PRDM16: variants seen among roughly 807,000 people sequenced by gnomAD.
The protein encoded by PRDM16 is PR/SET domain 16.
Under a neutral mutation model 110.6 loss-of-function variants are expected in PRDM16, and 23 were observed. That is an observed-to-expected ratio of 0.21 (90% CI 0.15 to 0.29). PRDM16 has a LOEUF of 0.29. Ranked by LOEUF, PRDM16 falls within the 10% of genes least tolerant of loss-of-function variation. The pLI, the probability that PRDM16 is intolerant of heterozygous loss-of-function variation, is 1.00. For missense variants in PRDM16, 1,615 were observed against 1,794.3 expected (o/e 0.90, Z 1.81); for synonymous variants, 799 against 781.8 (o/e 1.02, Z -0.37).
intron 3 of PRDM16, among the ~76,000 whole-genome samples, chr1:3,311,969 T>C (rs1198492192): frequency 6.6e-6 from 1 of 152,140 alleles, no homozygotes; most frequent in East Asian, 1.9e-4. Flanking sequence ...ACCAGCAGCA[T>C]CCAGCCAGGT....
chr1:3,323,875 G>A lies in PRDM16; in HGVS notation c.439-61277G>A, dbSNP rs568295223. 2.6e-5 allele frequency among the ~76,000 whole-genome samples: 4 copies of A among 152,352 alleles called. No homozygotes were observed. In the South Asian group the frequency reaches 8.3e-4, roughly 32 times the overall value. On this transcript the variant is annotated intron_variant, in intron 3 of 16. Coordinates refer to ENST00000270722, the MANE Select transcript of PRDM16 (RefSeq NM_022114.4). ...TGTTCAGCTTAGAGACCCCCCAGGG[G>A]CTCCCCCGGCTCTGCACGGGCCTCA...
Position 3,431,125 on chromosome 1 carries a change from G to A in PRDM16, c.3521+17G>A. 6.5e-7 allele frequency: 1 copy of A among 1,547,748 alleles called. No homozygotes were observed. The highest frequency in any genetic ancestry group is 8.7e-7 in the Non-Finnish European group (1 of 1,145,826). On this transcript the variant is annotated intron_variant, in intron 15 of 16. Transcript: ENST00000270722. ...CACCCGAAGGTGGGGGCAGCCGTGT[G>A]CTCCAGGATGGGGCAGGGAGGGAAC...
chr1:3,272,474 T>C (rs973671206), intron 3 of PRDM16, among the ~76,000 whole-genome samples: 1 of 152,086 alleles, frequency 6.6e-6, no homozygotes, highest in African/African-American at 2.4e-5. Context: ...TCGTGCAGCC[T>C]CTGCTGTGAG....
intron 3 of PRDM16, among the ~76,000 whole-genome samples, chr1:3,288,770 C>G (rs2100351286): frequency 6.6e-6 from 1 of 152,276 alleles, no homozygotes; most frequent in East Asian, 1.9e-4. Context: ...GGCAGCCAGC[C>G]CTCCCTGCCT....
chr1:3,146,234 C>T (rs751607760), intron 1 of PRDM16, among the ~76,000 whole-genome samples: 50 of 152,360 alleles, frequency 3.3e-4, no homozygotes, highest in Non-Finnish European at 7.3e-5. Flanking sequence ...GGGGGGCCCG[C>T]TAACCAATGA....
chr1:3,251,791 A>G (rs903359392), intron 3 of PRDM16, among the ~76,000 whole-genome samples: 3 of 152,222 alleles, frequency 2.0e-5, no homozygotes, highest in Admixed American at 6.5e-5. Context: ...AACCCTGTCC[A>G]TAATCTTCAG....
chr1:3,327,846 G>A (rs529605641), intron 3 of PRDM16, among the ~76,000 whole-genome samples: 110 of 152,344 alleles, frequency 7.2e-4, no homozygotes, highest in African/African-American at 2.5e-3. Flanking sequence ...GGCTGATGCT[G>A]GCAGTGCCCT....
chr1:3,098,870 G>A (rs1021971198), intron 1 of PRDM16, among the ~76,000 whole-genome samples: 2 of 152,188 alleles, frequency 1.3e-5, no homozygotes, highest in Admixed American at 6.5e-5. Flanking sequence ...TCCTGCAGGC[G>A]AGGCTGTGTC....
At chr1:3,253,855 T>C (rs1229388433) in intron 3 of PRDM16, among the ~76,000 whole-genome samples, 1 of 152,134 alleles carries the variant, frequency 6.6e-6, no homozygotes, top group Non-Finnish European at 1.5e-5. Context: ...TTTCTCCACA[T>C]CCTCTCCAGC....
At chr1:3,179,725 C>T (rs1644128880) in intron 1 of PRDM16, among the ~76,000 whole-genome samples, 1 of 152,246 alleles carries the variant, frequency 6.6e-6, no homozygotes, top group Non-Finnish European at 1.5e-5. Context: ...CCTCGCTGGC[C>T]TCCGCCTTGC....
intron 1 of PRDM16, among the ~76,000 whole-genome samples, chr1:3,184,784 C>A (rs1448615336): frequency 6.6e-6 from 1 of 152,216 alleles, no homozygotes; most frequent in African/African-American, 2.4e-5. Flanking sequence ...GATGAGTCGT[C>A]TAAATGCCGC....
intron 3 of PRDM16, among the ~76,000 whole-genome samples, chr1:3,296,910 C>T (rs772062693): frequency 1.2e-4 from 18 of 152,328 alleles, no homozygotes; most frequent in Non-Finnish European, 1.6e-4. Context: ...GGCTTAGCCT[C>T]ACCCACCTTA....
chr1:3,164,356 A>G (rs1173407388), intron 1 of PRDM16, among the ~76,000 whole-genome samples: 1 of 152,258 alleles, frequency 6.6e-6, no homozygotes, highest in Non-Finnish European at 1.5e-5. Flanking sequence ...TTTTAGAAAC[A>G]TGATGGATGT....
intron 3 of PRDM16, among the ~76,000 whole-genome samples, chr1:3,305,007 T>C (rs918607700): frequency 2.6e-5 from 4 of 152,218 alleles, no homozygotes; most frequent in Non-Finnish European, 5.9e-5. Context: ...TGTGCACTTC[T>C]GACCAATCGA....
intron 3 of PRDM16, among the ~76,000 whole-genome samples, chr1:3,336,076 A>G (rs1642139581): frequency 6.6e-6 from 1 of 152,118 alleles, no homozygotes. Flanking sequence ...CCCAATCTCC[A>G]CAGCTGTGCC....
chr1:3,392,581 C>T (rs1043208261), intron 4 of PRDM16, among the ~76,000 whole-genome samples: 1 of 152,178 alleles, frequency 6.6e-6, no homozygotes, highest in Non-Finnish European at 1.5e-5. Context: ...CCACTAAGAG[C>T]TTCATATTCG....
chr1:3,362,050 C>A (rs1187223697), intron 3 of PRDM16, among the ~76,000 whole-genome samples: 3 of 152,104 alleles, frequency 2.0e-5, no homozygotes, highest in Non-Finnish European at 4.4e-5. Context: ...GGAGGGGTGT[C>A]TGCTGGTAGC....
intron 3 of PRDM16, among the ~76,000 whole-genome samples, chr1:3,257,020 GTTTT>G (rs1346500385): frequency 6.6e-6 from 1 of 152,192 alleles, no homozygotes; most frequent in Non-Finnish European, 1.5e-5. Context: ...ATAATGGATG[GTTTT>G]TTTAAATGAA....
chr1:3,169,545 A>G (rs1644000854), intron 1 of PRDM16, among the ~76,000 whole-genome samples: 1 of 152,172 alleles, frequency 6.6e-6, no homozygotes, highest in Non-Finnish European at 1.5e-5. Context: ...GATCCATAAA[A>G]TGGAGATAAT....
Sources: gnomAD v4.1 joint callset for allele counts (sites outside exome capture counted in the v4.1 genomes callset) on GRCh38, gnomAD v4.1.1 for gene constraint, MANE v1.5 for transcripts, NCBI Gene and HGNC (gene_info 2026-07-23, HGNC 2026-07-21) for gene names.